The following CAMK1G variants were observed in gnomAD, a reference collection of about 807,000 sequenced individuals.
CAMK1G encodes calcium/calmodulin dependent protein kinase IG, also known as calcium/calmodulin-dependent protein kinase type 1G.
CAMK1G carries 27 observed loss-of-function variants against 54.8 expected under a neutral mutation model. The ratio of observed to expected loss-of-function variants is 0.49; its 90% confidence interval spans 0.36 to 0.68. CAMK1G has a LOEUF of 0.68. CAMK1G is among the 30% of genes least tolerant of loss of function. The probability of loss-of-function intolerance (pLI) is 0.00; values close to 1 mark genes in which losing one functional copy is unlikely to be tolerated. For missense variants in CAMK1G, 512 were observed against 591.0 expected (o/e 0.87, Z 1.39); for synonymous variants, 238 against 224.9 (o/e 1.06, Z -0.52).
chr1:209,587,280 A>C (rs1207246192), intron 1 of CAMK1G, among the ~76,000 whole-genome samples: 1 of 152,068 alleles, frequency 6.6e-6, no homozygotes, highest in African/African-American at 2.4e-5. Flanking sequence ...CTGATGGCAG[A>C]GGGCTGCTCG....
intron 7 of CAMK1G, 72 bp downstream of exon 7, chr1:209,608,005 C>A: frequency 8.4e-7 from 1 of 1,193,722 alleles, no homozygotes; most frequent in Non-Finnish European, 1.2e-6. Flanking sequence ...CGTTCCCTCC[C>A]CTGTCTCAGC....
Position 209,609,863 on chromosome 1 carries a change from T to C in CAMK1G, c.761T>C (p.Ile254Thr). The C allele has an allele frequency of 3.7e-6, 6 of 1,614,168 alleles. No individual in the cohort carries two copies. The highest frequency in any genetic ancestry group is 1.3e-5 in the African/African-American group (1 of 75,040). ...DDISESAKDFICHLLEKDPNE... is the reference protein window; with the variant it reads ...DDISESAKDFTCHLLEKDPNE... ...TTACTCCCCTTAGCCAAGGACTTTA[T>C]TTGCCACTTGCTTGAGAAGGATCCG... is the stretch of plus-strand genomic sequence containing the variant. Residue 254 changes from isoleucine (I) to threonine (T), a missense_variant, in exon 9 of 13, where the codon ATT becomes ACT. This residue lies in a region of CAMK1G where 315 missense variants were observed against 330.5 expected (regional missense o/e 0.95). Coordinates refer to ENST00000361322, the MANE Select transcript of CAMK1G (RefSeq NM_020439.3).
chr1:209,602,461 G>A (rs1418013958), intron 3 of CAMK1G, among the ~76,000 whole-genome samples: 1 of 152,170 alleles, frequency 6.6e-6, no homozygotes, highest in Non-Finnish European at 1.5e-5. Context: ...TCCATGAGGA[G>A]GCTCAGCTCA....
In CAMK1G at chr1:209,591,539, G is replaced by A. The variant is rs113751134; in HGVS notation, c.-29-3416G>A. Among the ~76,000 whole-genome samples, 11 of 152,312 alleles carry A rather than the reference G, an allele frequency of 7.2e-5. 1 individual carries two copies. In the East Asian group the frequency reaches 7.7e-4, roughly 11 times the overall value. The stretch of plus-strand genomic sequence containing the variant: ...TAAGTTTGAATTTGTCCATTGTAGC[G>A]TATAAATCTCCCTTTGGGTTTCAAG... On this transcript the variant is annotated intron_variant, in intron 1 of 12. Transcript: ENST00000361322.
At chr1:209,609,373 G>C (rs574944416) in intron 8 of CAMK1G, among the ~76,000 whole-genome samples, 11 of 152,348 alleles carry the variant, frequency 7.2e-5, no homozygotes, top group Admixed American at 3.3e-4. Flanking sequence ...GGCAGAGCCA[G>C]GTGGTGAGGG....
At chr1:209,602,974 T>C (rs116016172) in intron 3 of CAMK1G, among the ~76,000 whole-genome samples, 335 of 152,338 alleles carry the variant, frequency 2.2e-3, no homozygotes, top group African/African-American at 7.5e-3. Context: ...GAAGTGTTTG[T>C]TTCCTGAAGG....
At chr1:209,605,704 CAG>C in intron 5 of CAMK1G, 30 bp downstream of exon 5, 5 of 1,604,176 alleles carry the variant, frequency 3.1e-6, no homozygotes, top group Non-Finnish European at 4.2e-6. Context: ...GGGTGGGAAA[CAG>C]ATAATGACCC....
rs921592442 is a variant in CAMK1G at position 209,606,497 on chromosome 1, C to A, written c.559+54C>A. 62 of 1,583,758 alleles carry A rather than the reference C, an allele frequency of 3.9e-5. No homozygotes were observed. In the African/African-American group the frequency reaches 7.4e-4, roughly 19 times the overall value. The stretch of plus-strand genomic sequence containing the variant: ...CCAGTTGGCTACATTCAACCACATG[C>A]CTATCATTCATAGAAAGGGGTGATT... On this transcript the variant is annotated intron_variant, in intron 6 of 12. Transcript: ENST00000361322.
chr1:209,603,051 A>G (rs1481504618), intron 3 of CAMK1G, 163 bp from the exon 4 acceptor site: 1 of 165,504 alleles, frequency 6.0e-6, no homozygotes, highest in Non-Finnish European at 1.2e-5. Context: ...TTTCTCTGGG[A>G]TTAATTTGTG....
chr1:209,593,796 T>C (rs890476439), intron 1 of CAMK1G, among the ~76,000 whole-genome samples: 1 of 99,016 alleles, frequency 1.0e-5, no homozygotes, highest in Non-Finnish European at 2.6e-5. Context: ...GTGAACTCTT[T>C]AAAACATCAA....
At chr1:209,587,596 C>A (rs1435462399) in intron 1 of CAMK1G, among the ~76,000 whole-genome samples, 1 of 152,030 alleles carries the variant, frequency 6.6e-6, no homozygotes, top group African/African-American at 2.4e-5. Flanking sequence ...TACTGAAAAG[C>A]AAACTTCAGG....
At chr1:209,598,448 A>G (rs892466607) in intron 2 of CAMK1G, among the ~76,000 whole-genome samples, 16 of 152,206 alleles carry the variant, frequency 1.1e-4, no homozygotes, top group African/African-American at 3.9e-4. Context: ...AGTCACATTG[A>G]AAGTGGCATG....
chr1:209,606,617 T>C (rs1322761899), intron 6 of CAMK1G, among the ~76,000 whole-genome samples, 174 bp downstream of exon 6: 1 of 152,212 alleles, frequency 6.6e-6, no homozygotes, highest in African/African-American at 2.4e-5. Context: ...AGGATCTATC[T>C]CTACTGCTCC....
In CAMK1G at chr1:209,607,840, G is replaced by T; in HGVS notation, c.560-18G>T. 1.2e-6 allele frequency: 2 copies of T among 1,609,168 alleles called. No homozygotes were observed. The highest frequency in any genetic ancestry group is 8.5e-7 in the Non-Finnish European group (1 of 1,177,532). On this transcript the variant is annotated intron_variant, in intron 6 of 12. Coordinates refer to ENST00000361322, the MANE Select transcript of CAMK1G (RefSeq NM_020439.3). Reference sequence around the variant, plus strand: ...TCCTCTTGCCACCAGCCCTGACTCTGCCCTTGGTCTGCTGCAGCTCCAGAA... The same window carrying T: ...TCCTCTTGCCACCAGCCCTGACTCTTCCCTTGGTCTGCTGCAGCTCCAGAA...
Position 209,611,841 on chromosome 1 carries a change from T to G in CAMK1G, c.965T>G (p.Met322Arg), listed in dbSNP as rs145387182. 39 of 1,614,066 alleles carry G rather than the reference T, an allele frequency of 2.4e-5. No homozygotes were observed. The highest frequency in any genetic ancestry group is 1.0e-4 in the Admixed American group (6 of 60,008). ...GTGCACCACATGAGGAAGCTACACATGAACCTGCACAGCCCGGGCGTCCGC... is the reference window on the plus strand; with the variant it reads ...GTGCACCACATGAGGAAGCTACACAGGAACCTGCACAGCCCGGGCGTCCGC... ...AVVHHMRKLH[M>R]NLHSPGVRPE... The change falls in exon 11 of 13, where the codon ATG becomes AGG. Residue 322 changes from methionine (M) to arginine (R), a missense_variant. Physicochemically the swap from Met to Arg is moderately conservative, Grantham distance 91. Coordinates refer to ENST00000361322, the MANE Select transcript of CAMK1G (RefSeq NM_020439.3).
intron 9 of CAMK1G, among the ~76,000 whole-genome samples, chr1:209,611,134 G>A (rs998166410): frequency 1.3e-5 from 2 of 152,212 alleles, no homozygotes; most frequent in African/African-American, 4.8e-5. Flanking sequence ...CTGTCACAGT[G>A]CAAAAGGAGC....
Position 209,612,102 on chromosome 1 carries a change from G to T in CAMK1G, c.1226G>T (p.Gly409Val). The change falls in exon 11 of 13, where the codon GGG becomes GTG. Residue 409 changes from glycine (G) to valine (V), a missense_variant. By Grantham distance (109) the Gly-to-Val change is moderately radical. Around this residue, in one of 3 missense-constraint regions of CAMK1G, gnomAD observed 315 missense variants for 330.5 expected, o/e 0.95. Coordinates refer to ENST00000361322, the MANE Select transcript of CAMK1G (RefSeq NM_020439.3). ...ISSSLVPMHQ[G>V]SLAAGPCGCC... ...AGCAGCCTGGTGCCCATGCATCAGG[G>T]GTCCCTGGCCGCCGGGCCCTGTGGC... 6.2e-7 allele frequency: 1 copy of T among 1,614,170 alleles called. No homozygotes were observed.
At chr1:209,598,673 A>G (rs1389809575) in intron 2 of CAMK1G, among the ~76,000 whole-genome samples, 2 of 152,248 alleles carry the variant, frequency 1.3e-5, no homozygotes, top group Non-Finnish European at 2.9e-5. Context: ...ACTGCCATCA[A>G]CATAACTCAG....
chr1:209,606,215 G>T (rs892805704), intron 5 of CAMK1G, 105 bp from the exon 6 acceptor site: 1 of 1,454,718 alleles, frequency 6.9e-7, no homozygotes, highest in African/African-American at 1.4e-5. Context: ...TGGCCTTGAA[G>T]TCAGGAGCCC....
Sources: gnomAD v4.1 joint callset for allele counts (sites outside exome capture counted in the v4.1 genomes callset) on GRCh38, gnomAD v4.1.1 for gene constraint, gnomAD v4.1.1 regional missense constraint, MANE v1.5 for transcripts, NCBI Gene and HGNC (gene_info 2026-07-23, HGNC 2026-07-21) for gene names.